The following APBB2 variants were observed in gnomAD, a reference collection of about 807,000 sequenced individuals.
APBB2 encodes amyloid beta precursor protein binding family B member 2.
APBB2 carries 38 observed loss-of-function variants against 82.5 expected under a neutral mutation model. The ratio of observed to expected loss-of-function variants is 0.46; its 90% CI spans 0.36 to 0.60. APBB2 has a LOEUF of 0.60. APBB2 is among the 20% of genes least tolerant of loss of function. APBB2 has a pLI of 0.00. For missense variants in APBB2, 772 were observed against 972.3 expected, an observed-to-expected ratio of 0.79 and a Z score of 2.74; for synonymous variants, 341 against 368.2, an observed-to-expected ratio of 0.93 and a Z score of 0.85.
chr4:41,147,600 C>T lies in APBB2; in HGVS notation c.-416-4458G>A, dbSNP rs761288711. ...CCACCTCCTGGGTTCAAGCGATTCT[C>T]CTGCCTCAGCCACCCAAGCAGCTGG... On this transcript the variant is annotated intron_variant, in intron 1 of 17. Transcript: ENST00000508593. Among the ~76,000 whole-genome samples the T allele has an allele frequency of 9.9e-5, 15 of 151,220 alleles. 1 individual carries two copies. Among genetic ancestry groups the T allele is most frequent in the Non-Finnish European group, 7.4e-5 (5 of 67,910 alleles).
chr4:41,135,563 C>T (rs1757334083), intron 2 of APBB2, among the ~76,000 whole-genome samples: 1 of 152,106 alleles, frequency 6.6e-6, no homozygotes, highest in Non-Finnish European at 1.5e-5. Flanking sequence ...TCAAATTAAA[C>T]ATTTTATGCA....
intron 12 of APBB2, among the ~76,000 whole-genome samples, chr4:40,870,385 C>T (rs1404541659): frequency 6.6e-6 from 1 of 152,158 alleles, no homozygotes; most frequent in Admixed American, 6.5e-5. Context: ...TACAACCAAG[C>T]TGCATCGGGG....
At chr4:41,178,659 CA>C (rs1215394294) in intron 1 of APBB2, among the ~76,000 whole-genome samples, 1 of 152,100 alleles carries the variant, frequency 6.6e-6, no homozygotes, top group Admixed American at 6.6e-5. Flanking sequence ...TGAGGGTCTG[CA>C]AAACATTCTC....
At chr4:41,209,515 C>T (rs17443513) in intron 1 of APBB2, among the ~76,000 whole-genome samples, 17,659 of 152,076 alleles carry the variant, frequency 0.12, 1,416 homozygotes, top group Non-Finnish European at 0.17. Flanking sequence ...CATTTCTCAT[C>T]GAGGCGAGGA....
At chr4:41,045,084 G>A (rs1722894754) in intron 4 of APBB2, among the ~76,000 whole-genome samples, 1 of 151,676 alleles carries the variant, frequency 6.6e-6, no homozygotes, top group African/African-American at 2.4e-5. Flanking sequence ...GTCAGTATTT[G>A]TAGTATTTAG....
intron 4 of APBB2, among the ~76,000 whole-genome samples, chr4:41,059,555 G>A (rs1023210377): frequency 2.0e-5 from 3 of 152,246 alleles, no homozygotes; most frequent in Non-Finnish European, 4.4e-5. Flanking sequence ...CGCCCAGGGC[G>A]GAAAACCGCT....
intron 7 of APBB2, among the ~76,000 whole-genome samples, chr4:40,941,530 C>T (rs745662440): frequency 1.3e-5 from 2 of 152,188 alleles, no homozygotes; most frequent in Non-Finnish European, 2.9e-5. Flanking sequence ...AGCTGTGTGT[C>T]TTGCCCAAAC....
intron 2 of APBB2, among the ~76,000 whole-genome samples, chr4:41,108,131 C>T (rs756886997): frequency 6.6e-6 from 1 of 151,954 alleles, no homozygotes; most frequent in Non-Finnish European, 1.5e-5. Context: ...TAAGTGTGTG[C>T]GTGTAAAGAG....
chr4:40,932,170 T>C (rs1005892161), intron 10 of APBB2, among the ~76,000 whole-genome samples: 17 of 152,230 alleles, frequency 1.1e-4, no homozygotes, highest in South Asian at 2.1e-4. Context: ...TGGCTCCACA[T>C]ACATCACTGC....
intron 4 of APBB2, among the ~76,000 whole-genome samples, chr4:41,035,976 C>T (rs1202993430): frequency 6.6e-6 from 1 of 151,944 alleles, no homozygotes; most frequent in African/African-American, 2.4e-5. Flanking sequence ...CTGGGCAACA[C>T]AGCGAGACCC....
intron 2 of APBB2, among the ~76,000 whole-genome samples, chr4:41,133,048 C>G (rs904588093): frequency 2.6e-5 from 4 of 151,914 alleles, no homozygotes; most frequent in Non-Finnish European, 5.9e-5. Context: ...AATGCATACA[C>G]CAGCATATAT....
At chr4:41,130,528 G>T (rs1035318504) in intron 2 of APBB2, among the ~76,000 whole-genome samples, 1 of 152,172 alleles carries the variant, frequency 6.6e-6, no homozygotes, top group Non-Finnish European at 1.5e-5. Context: ...TCTGCTATCA[G>T]AACTTGCAAT....
At chr4:40,859,731 G>A (rs893276571) in intron 12 of APBB2, among the ~76,000 whole-genome samples, 3 of 152,136 alleles carry the variant, frequency 2.0e-5, no homozygotes, top group South Asian at 4.1e-4. Context: ...CTCACAGGCC[G>A]CCTGGGATCA....
intron 6 of APBB2, among the ~76,000 whole-genome samples, chr4:40,994,949 T>C (rs1803225519): frequency 1.3e-5 from 2 of 151,592 alleles, no homozygotes; most frequent in South Asian, 4.2e-4. Flanking sequence ...TGATCAAAAA[T>C]GTAAGTACCT....
At chr4:41,103,286 G>C (rs1746070767) in intron 2 of APBB2, among the ~76,000 whole-genome samples, 1 of 152,120 alleles carries the variant, frequency 6.6e-6, no homozygotes, top group African/African-American at 2.4e-5. Flanking sequence ...CAAGATGACG[G>C]TGTTATAAAG....
At chr4:40,966,578 G>C (rs1298714092) in intron 6 of APBB2, among the ~76,000 whole-genome samples, 1 of 152,204 alleles carries the variant, frequency 6.6e-6, no homozygotes, top group Admixed American at 6.5e-5. Context: ...AGAAGTGCCT[G>C]TTCCTGCTGC....
intron 6 of APBB2, among the ~76,000 whole-genome samples, chr4:41,005,335 G>A (rs958022786): frequency 2.6e-5 from 4 of 152,120 alleles, no homozygotes; most frequent in Non-Finnish European, 2.9e-5. Flanking sequence ...TGATCTGCCT[G>A]CCTTGGTCTC....
chr4:40,844,394 C>T (rs1037963185), intron 12 of APBB2, among the ~76,000 whole-genome samples: 4 of 152,184 alleles, frequency 2.6e-5, no homozygotes, highest in Non-Finnish European at 5.9e-5. Context: ...TATGGGAGTG[C>T]TGGGCATGTA....
At chr4:40,946,445 C>A (rs115738117) in intron 6 of APBB2, among the ~76,000 whole-genome samples, 1 of 136,758 alleles carries the variant, frequency 7.3e-6, no homozygotes. Context: ...TTAAACACTG[C>A]GATGGCCAAA....
Sources: allele counts gnomAD v4.1 joint callset (sites outside exome capture counted in the v4.1 genomes callset), GRCh38; gene constraint gnomAD v4.1.1; transcripts MANE v1.5; gene names NCBI Gene and HGNC (gene_info 2026-07-23, HGNC 2026-07-21).